The following AGAP1 variants were observed in gnomAD, a reference collection of about 807,000 sequenced individuals.
AGAP1 encodes the protein arf-GAP with GTPase, ANK repeat and PH domain-containing protein 1.
Under a neutral mutation model 105.3 loss-of-function variants are expected in AGAP1, and 29 were observed. That is an observed-to-expected ratio of 0.28 (90% CI 0.21 to 0.38). AGAP1 has a LOEUF of 0.38. Ranked by LOEUF, AGAP1 falls within the 10% of genes least tolerant of loss-of-function variation. AGAP1 has a pLI of 1.00. For missense variants in AGAP1, 998 were observed against 1,165.1 expected, an observed-to-expected ratio of 0.86 and a Z score of 2.09; for synonymous variants, 509 against 485.9, an observed-to-expected ratio of 1.05 and a Z score of -0.63.
chr2:235,921,920 C>T (rs1411140940), intron 11 of AGAP1, among the ~76,000 whole-genome samples: 1 of 152,240 alleles, frequency 6.6e-6, no homozygotes, highest in Non-Finnish European at 1.5e-5. Flanking sequence ...GCCCCATTCA[C>T]AGGCCTTAAA....
In AGAP1 at chr2:235,787,869, AGAGCGTTCTAGACCAT is replaced by A. The variant is rs58336875; in HGVS notation, c.674-9885_674-9870del. 0.26 allele frequency among the ~76,000 whole-genome samples: 39,260 copies of A among 152,046 alleles called. 5,431 individuals carry two copies. Among genetic ancestry groups the A allele is most frequent in the Admixed American group, 0.4 (6,055 of 15,274 alleles). On this transcript the variant is annotated intron_variant, in intron 6 of 17. Transcript: ENST00000304032. This position sits in a 1 kb window ranked among gnomAD's most constrained non-coding sequence, Gnocchi z 4.4. ...CATTGTGGGACCAAGAGCAAGATCA[AGAGCGTTCTAGACCAT>A]GAGCATTCTGGGACCAAGAGCCATG...
In AGAP1 at chr2:235,964,601, C is replaced by G. The variant is rs2054314466; in HGVS notation, c.1484-3861C>G. On this transcript the variant is annotated intron_variant, in intron 12 of 17. Transcript: ENST00000304032. The surrounding 1 kb of genome is among the most constrained non-coding windows in gnomAD (Gnocchi z 4.6). ...AATGATCTTGGGGTCTCTGGATGCC[C>G]CACCCCCTGAACGTTATGAGGCTTC... is the stretch of plus-strand genomic sequence containing the variant. 6.6e-6 allele frequency among the ~76,000 whole-genome samples: 1 copy of G among 152,102 alleles called. No individual in the cohort carries two copies. Among genetic ancestry groups the G allele is most frequent in the Admixed American group, 6.5e-5 (1 of 15,278 alleles).
In AGAP1 at chr2:235,867,574, T is replaced by TGTGTGTGCGC. The variant is rs1380487646; in HGVS notation, c.1051-15770_1051-15769insTGTGTGCGCG. Among the ~76,000 whole-genome samples, 85 of 147,698 alleles carry TGTGTGTGCGC rather than the reference T, an allele frequency of 5.8e-4. 1 individual carries two copies. The highest frequency in any genetic ancestry group is 1.6e-3 in the East Asian group (8 of 4,924). On this transcript the variant is annotated intron_variant, in intron 9 of 17. Coordinates refer to ENST00000304032, the MANE Select transcript of AGAP1 (RefSeq NM_001037131.3). This position sits in a 1 kb window ranked among gnomAD's most constrained non-coding sequence, Gnocchi z 5.4. Reference sequence around the variant, plus strand: ...GTGTGTGTGTGTGTGTGTGTGTGTGTGCAAGTGAGGGAGGGTGACCCCCAC... The same window carrying TGTGTGTGCGC: ...GTGTGTGTGTGTGTGTGTGTGTGTGTGTGTGTGCGCGCAAGTGAGGGAGGGTGACCCCCAC...
intron 1 of AGAP1, among the ~76,000 whole-genome samples, chr2:235,708,333 T>C (rs1950655749): frequency 6.6e-6 from 1 of 152,222 alleles, no homozygotes; most frequent in Non-Finnish European, 1.5e-5. Context: ...GGACAAATGA[T>C]GACTACTATC....
At position 235,664,461 on chromosome 2, in the gene AGAP1, A is replaced by T. The variant is rs944231449; in HGVS notation, c.164-44718A>T. On this transcript the variant is annotated intron_variant, in intron 1 of 17. Transcript: ENST00000304032. This position sits in a 1 kb window ranked among gnomAD's most constrained non-coding sequence, Gnocchi z 5.7. Reference sequence around the variant, plus strand: ...TCAAACTCCTGATCTCAGGTGATCCACCTGCCTTGGCCTCCCAAAGTGCTG... The same window carrying T: ...TCAAACTCCTGATCTCAGGTGATCCTCCTGCCTTGGCCTCCCAAAGTGCTG... Among the ~76,000 whole-genome samples, 1 of 152,100 alleles carries T rather than the reference A, an allele frequency of 6.6e-6. No homozygotes were observed. Among genetic ancestry groups the T allele is most frequent in the Non-Finnish European group, 1.5e-5 (1 of 68,024 alleles).
At chr2:235,675,875 C>G (rs887629776) in intron 1 of AGAP1, among the ~76,000 whole-genome samples, 1 of 152,152 alleles carries the variant, frequency 6.6e-6, no homozygotes, top group Admixed American at 6.5e-5. Context: ...GAGACTTGGG[C>G]TGGAATATCC....
At position 235,968,663 on chromosome 2, in the gene AGAP1, C is replaced by T. The variant is rs190898619; in HGVS notation, c.1645+40C>T. ...GTGCCCCGGGAGAGAGTCTCCACTG[C>T]GGAAAATTCTCTGTTATTTTTCAAA... On this transcript the variant is annotated intron_variant, in intron 13 of 17. Transcript: ENST00000304032. 117 of 1,577,172 alleles carry T rather than the reference C, an allele frequency of 7.4e-5. No individual in the cohort carries two copies. The African/African-American group carries it at 1.5e-3, about 20-fold the overall frequency.
chr2:236,008,216 C>A (rs558437932), intron 13 of AGAP1, among the ~76,000 whole-genome samples: 2 of 152,258 alleles, frequency 1.3e-5, no homozygotes, highest in East Asian at 3.9e-4. Context: ...GGCTGGGGCC[C>A]AACCACACCC....
intron 1 of AGAP1, chr2:235,505,608 G>A (rs1316627822): frequency 6.6e-6 from 1 of 152,158 alleles, no homozygotes; most frequent in Non-Finnish European, 1.5e-5. Flanking sequence ...GGGCCCTTCA[G>A]ATCTCCCCCA....
chr2:235,828,705 C>T (rs1959175478), intron 9 of AGAP1, among the ~76,000 whole-genome samples: 1 of 152,188 alleles, frequency 6.6e-6, no homozygotes, highest in Admixed American at 6.5e-5. Context: ...GAAGCTTTCG[C>T]TCACCCAGCC....
At chr2:235,914,776 G>A (rs916126934) in intron 11 of AGAP1, among the ~76,000 whole-genome samples, 1 of 152,292 alleles carries the variant, frequency 6.6e-6, no homozygotes, top group South Asian at 2.1e-4. Context: ...TGTGGCGGTC[G>A]TGGAGTTCAG....
intron 1 of AGAP1, among the ~76,000 whole-genome samples, chr2:235,554,469 G>A (rs1943912556): frequency 6.6e-6 from 1 of 152,312 alleles, no homozygotes. Context: ...CTGTGTTACA[G>A]CCCTTTAATC....
At chr2:235,628,578 T>G (rs1330983888) in intron 1 of AGAP1, among the ~76,000 whole-genome samples, 1 of 151,816 alleles carries the variant, frequency 6.6e-6, no homozygotes, top group Non-Finnish European at 1.5e-5. Flanking sequence ...CAAGATTTGG[T>G]GGGTCCTTGA....
chr2:235,646,356 A>G (rs1245978722), intron 1 of AGAP1, among the ~76,000 whole-genome samples: 3 of 152,294 alleles, frequency 2.0e-5, no homozygotes, highest in Non-Finnish European at 2.9e-5. Flanking sequence ...ACAGTTATGA[A>G]TAGAATCTCT....
At chr2:236,021,323 C>T (rs73121848) in intron 13 of AGAP1, among the ~76,000 whole-genome samples, 2,393 of 152,170 alleles carry the variant, frequency 0.016, 79 homozygotes, top group African/African-American at 0.055. Flanking sequence ...ATCACCTCAG[C>T]GCTGAGCAGC....
At position 236,005,419 on chromosome 2, in the gene AGAP1, G is replaced by T. The variant is rs186614539; in HGVS notation, c.1646-31142G>T. ...GCCTCCCAAAGTGCTGGGATTACAG[G>T]TGTGAGCCACCATGCCCACCCTCTC... On this transcript the variant is annotated intron_variant, in intron 13 of 17. Transcript: ENST00000304032. This position sits in a 1 kb window ranked among gnomAD's most constrained non-coding sequence, Gnocchi z 4.1. Among the ~76,000 whole-genome samples the T allele has an allele frequency of 5.0e-4, 76 of 152,228 alleles. No homozygotes were observed. The highest frequency in any genetic ancestry group is 1.7e-3 in the African/African-American group (69 of 41,538).
chr2:235,741,036 C>G lies in AGAP1; in HGVS notation c.384C>G (p.Pro128=). ...TGCTGATCAGAGATGAAGGGGGCCC[C>G]CCGGAGGCGCAGGTGAGTATACATG... ...YLLLIRDEGG[P]PEAQFAMWVD... is the part of the protein sequence containing the mutation. The change falls in exon 4 of 18, where the codon CCC becomes CCG. Residue 128 remains proline, a synonymous_variant. Transcript: ENST00000304032. This position sits in a 1 kb window ranked among gnomAD's most constrained non-coding sequence, Gnocchi z 4.9. The G allele has an allele frequency of 6.2e-7, 1 of 1,614,048 alleles. No homozygotes were observed. Among genetic ancestry groups the G allele is most frequent in the South Asian group, 1.1e-5 (1 of 91,060 alleles).
intron 1 of AGAP1, among the ~76,000 whole-genome samples, chr2:235,524,726 C>T (rs922416283): frequency 6.6e-6 from 1 of 152,152 alleles, no homozygotes; most frequent in Non-Finnish European, 1.5e-5. Flanking sequence ...AACACATCAC[C>T]CCTCTCTTTT....
At chr2:235,870,330 C>T (rs899495614) in intron 9 of AGAP1, among the ~76,000 whole-genome samples, 6 of 152,176 alleles carry the variant, frequency 3.9e-5, no homozygotes, top group African/African-American at 1.4e-4. Context: ...AACAGGAGAA[C>T]TGCAGCAGAT....
Sources: allele counts gnomAD v4.1 joint callset (sites outside exome capture counted in the v4.1 genomes callset), GRCh38; gene constraint gnomAD v4.1.1; non-coding constraint Gnocchi (gnomAD v3.1); transcripts MANE v1.5; gene names NCBI Gene and HGNC (gene_info 2026-07-23, HGNC 2026-07-21).